IRS1: variants seen among roughly 807,000 people sequenced by gnomAD.
The protein encoded by IRS1 is insulin receptor substrate 1.
Under a neutral mutation model 65.6 loss-of-function variants are expected in IRS1, and 34 were observed. That is an observed-to-expected ratio of 0.52 (90% CI 0.39 to 0.69). The LOEUF is 0.69. Ranked by LOEUF, IRS1 falls within the 30% of genes least tolerant of loss-of-function variation. The pLI is 0.00. For synonymous variants in IRS1, 699 were observed against 683.5 expected, an observed-to-expected ratio of 1.02 and a Z score of -0.35; for missense variants, 1,641 against 1,720.2, an observed-to-expected ratio of 0.95 and a Z score of 0.81.
rs540751327 is a variant in IRS1 at position 226,796,348 on chromosome 2, G to A, written c.2391C>T (p.Arg797=). 16 of 1,613,320 alleles carry A rather than the reference G, an allele frequency of 9.9e-6. No homozygotes were observed. In the East Asian group the frequency reaches 3.3e-4, roughly 34 times the overall value. Residue 797 remains arginine (R), a synonymous_variant, in exon 1 of 2, where the codon CGC becomes CGT. Transcript: ENST00000305123. ...QHLRLSTSSG[R]LLYAATADDS... ...CATCTGCTGTTGCAGCATAGAGAAG[G>A]CGACCAGAGCTAGTGGAAAGGCGGA...
Position 226,799,776 on chromosome 2 carries a change from A to C in IRS1, c.-1038T>G, listed in dbSNP as rs1038910749. On this transcript the variant is annotated 5_prime_UTR_variant, in exon 1 of 2. Coordinates refer to ENST00000305123, the MANE Select transcript of IRS1 (RefSeq NM_005544.3). This position sits in a 1 kb window ranked among gnomAD's most constrained non-coding sequence, Gnocchi z 6.1. ...GCGCCGCCGTCTCACTCGGAGGAGA[A>C]AAACACGTGACGGAGCCTCCGCGCT... 2.9e-5 allele frequency: 29 copies of C among 995,774 alleles called. No homozygotes were observed. In the Admixed American group the frequency reaches 3.7e-4, roughly 13 times the overall value. The allele number at this position is 995,774 out of a possible 1,614,324, so 61.7% of individuals were successfully genotyped here.
Position 226,798,830 on chromosome 2 carries a change from G to A in IRS1, c.-92C>T. 1.3e-6 allele frequency: 2 copies of A among 1,548,184 alleles called. No individual in the cohort carries two copies. Among genetic ancestry groups the A allele is most frequent in the Non-Finnish European group, 1.7e-6 (2 of 1,146,934 alleles). The stretch of plus-strand genomic sequence containing the variant: ...GGCTCCTCGCCGCGGCCCGGCACAT[G>A]CAAACAGGGCTGGAGGCAGCAGAAA... On this transcript the variant is annotated 5_prime_UTR_variant, in exon 1 of 2. Transcript: ENST00000305123. The surrounding 1 kb of genome is among the most constrained non-coding windows in gnomAD (Gnocchi z 9.4).
intron 1 of IRS1, among the ~76,000 whole-genome samples, chr2:226,751,274 ATTTTTTTTTTTT>A (rs35699614): frequency 2.6e-5 from 2 of 77,550 alleles, no homozygotes; most frequent in East Asian, 4.2e-4. Context: ...CCACACGGGT[ATTTTTTTTTTTT>A]TTTTTTTTTT....
chr2:226,791,858 C>T (rs1005303528), intron 1 of IRS1, among the ~76,000 whole-genome samples: 1 of 152,066 alleles, frequency 6.6e-6, no homozygotes, highest in Non-Finnish European at 1.5e-5. Context: ...CTGGATGACC[C>T]GAGACGGGCG....
chr2:226,790,213 G>A (rs1939563127), intron 1 of IRS1, among the ~76,000 whole-genome samples: 1 of 152,154 alleles, frequency 6.6e-6, no homozygotes, highest in African/African-American at 2.4e-5. Flanking sequence ...CTTGCCCAAG[G>A]TCACTCTGCT....
intron 1 of IRS1, among the ~76,000 whole-genome samples, chr2:226,768,572 A>G (rs1299305889): frequency 6.6e-6 from 1 of 152,244 alleles, no homozygotes; most frequent in African/African-American, 2.4e-5. Flanking sequence ...TACCAACAGC[A>G]GCTTAGTAAA....
At chr2:226,739,607 C>T (rs1938396566) in intron 1 of IRS1, among the ~76,000 whole-genome samples, 1 of 152,134 alleles carries the variant, frequency 6.6e-6, no homozygotes. Flanking sequence ...CAAAGAGTTC[C>T]GAAACCGAAG....
chr2:226,751,777 C>G (rs1311543934), intron 1 of IRS1, among the ~76,000 whole-genome samples: 1 of 152,140 alleles, frequency 6.6e-6, no homozygotes, highest in Non-Finnish European at 1.5e-5. Context: ...GGGCCACGTA[C>G]GTTAGCTCAA....
intron 1 of IRS1, among the ~76,000 whole-genome samples, chr2:226,773,770 A>C (rs1407180032): frequency 6.6e-6 from 1 of 151,984 alleles, no homozygotes; most frequent in Non-Finnish European, 1.5e-5. Flanking sequence ...CCTCCCCATC[A>C]CATCTCCCCC....
At chr2:226,737,019 G>A (rs1355541703) in intron 1 of IRS1, among the ~76,000 whole-genome samples, 1 of 151,400 alleles carries the variant, frequency 6.6e-6, no homozygotes, top group East Asian at 1.9e-4. Context: ...GTATACATGT[G>A]CCATGCTGGT....
At chr2:226,760,281 T>G (rs1428858710) in intron 1 of IRS1, among the ~76,000 whole-genome samples, 6 of 152,230 alleles carry the variant, frequency 3.9e-5, no homozygotes, top group Non-Finnish European at 5.9e-5. Flanking sequence ...ATTGCAAGAT[T>G]AAAAATTAAT....
At chr2:226,736,641 G>T (rs866710780) in intron 1 of IRS1, among the ~76,000 whole-genome samples, 2 of 152,134 alleles carry the variant, frequency 1.3e-5, no homozygotes, top group Non-Finnish European at 2.9e-5. Flanking sequence ...TCTCCTTCTG[G>T]TTGAAAGTCA....
In IRS1 at chr2:226,795,133, G is replaced by C; in HGVS notation, c.3606C>G (p.Pro1202=). ...PQECTPEPQP[P]PPPPPHQPLG... is the part of the protein sequence containing the mutation. ...GGGGTTGATGAGGGGGTGGGGGTGG[G>C]GGAGGCTGCGGTTCAGGGGTGCACT... The change falls in exon 1 of 2, where the codon CCC becomes CCG. Residue 1202 remains proline, a synonymous_variant. Transcript: ENST00000305123. The C allele has an allele frequency of 8.2e-7, 1 of 1,212,476 alleles. No individual in the cohort carries two copies. The highest frequency in any genetic ancestry group is 1.2e-6 in the Non-Finnish European group (1 of 849,440). 75.1% of individuals were successfully genotyped at this position (1,212,476 alleles called of 1,614,324 possible).
intron 1 of IRS1, among the ~76,000 whole-genome samples, chr2:226,747,657 A>G (rs189615452): frequency 8.5e-4 from 129 of 152,244 alleles, no homozygotes; most frequent in Non-Finnish European, 1.4e-3. Flanking sequence ...TCACCTTCAG[A>G]CCCATGGAAG....
chr2:226,740,931 C>T (rs1028981406), intron 1 of IRS1, among the ~76,000 whole-genome samples: 2 of 151,702 alleles, frequency 1.3e-5, no homozygotes. Flanking sequence ...AATTAATTTC[C>T]TCCACTTAAA....
At chr2:226,743,540 A>C (rs1457310374) in intron 1 of IRS1, among the ~76,000 whole-genome samples, 2 of 152,170 alleles carry the variant, frequency 1.3e-5, no homozygotes, top group African/African-American at 4.8e-5. Flanking sequence ...AGGAAGCTTT[A>C]ATTTTAACAG....
intron 1 of IRS1, among the ~76,000 whole-genome samples, chr2:226,747,212 C>A (rs1938565469): frequency 1.3e-5 from 2 of 152,094 alleles, no homozygotes; most frequent in Admixed American, 6.5e-5. Flanking sequence ...GTAGTGACAA[C>A]TTTTAGCTAA....
intron 1 of IRS1, among the ~76,000 whole-genome samples, chr2:226,765,044 C>T (rs1939004830): frequency 6.6e-6 from 1 of 152,206 alleles, no homozygotes; most frequent in Non-Finnish European, 1.5e-5. Flanking sequence ...ATATCCTTAG[C>T]TCTCGCAAGC....
intron 1 of IRS1, among the ~76,000 whole-genome samples, chr2:226,774,129 T>C (rs2106173238): frequency 6.6e-6 from 1 of 152,302 alleles, no homozygotes; most frequent in Non-Finnish European, 1.5e-5. Flanking sequence ...CAAGCCTCAA[T>C]GAACTTCATT....
Sources: allele counts gnomAD v4.1 joint callset (sites outside exome capture counted in the v4.1 genomes callset), GRCh38; gene constraint gnomAD v4.1.1; non-coding constraint Gnocchi (gnomAD v3.1); transcripts MANE v1.5; gene names NCBI Gene and HGNC (gene_info 2026-07-23, HGNC 2026-07-21).